GPC5: variants seen among roughly 807,000 people sequenced by gnomAD.
The protein encoded by GPC5 is glypican 5.
A neutral mutation model predicts 53.9 loss-of-function variants in GPC5; 47 were observed. The observed-to-expected ratio is 0.87, with a 90% CI of 0.69 to 1.11. The LOEUF (loss-of-function observed/expected upper bound fraction) is 1.11, where lower values mean the gene tolerates loss of function less well. GPC5 is among the 50% of genes most tolerant of loss of function. The probability of loss-of-function intolerance (pLI) is 0.00; values close to 1 mark genes in which losing one functional copy is unlikely to be tolerated. For synonymous variants in GPC5, 286 were observed against 263.3 expected (o/e 1.09, Z -0.84); for missense variants, 748 against 713.1 (o/e 1.05, Z -0.56).
intron 7 of GPC5, among the ~76,000 whole-genome samples, chr13:92,777,225 A>C (rs937023750): frequency 6.0e-5 from 9 of 151,034 alleles, no homozygotes; most frequent in African/African-American, 1.9e-4. Flanking sequence ...AGTCCCAGCT[A>C]TTCAGGAAGC....
At chr13:92,107,022 T>C (rs2041515603) in intron 6 of GPC5, among the ~76,000 whole-genome samples, 1 of 152,162 alleles carries the variant, frequency 6.6e-6, no homozygotes, top group Admixed American at 6.6e-5. Flanking sequence ...ATTTACATCA[T>C]TCACTTAATA....
chr13:91,824,765 T>C (rs1293364344), intron 5 of GPC5, among the ~76,000 whole-genome samples: 1 of 152,050 alleles, frequency 6.6e-6, no homozygotes, highest in African/African-American at 2.4e-5. Flanking sequence ...CATAAGTATA[T>C]CATGGGAGAA....
chr13:92,320,190 A>T (rs1489653454), intron 7 of GPC5, among the ~76,000 whole-genome samples: 2 of 152,168 alleles, frequency 1.3e-5, no homozygotes, highest in Non-Finnish European at 2.9e-5. Context: ...TTTCTTCCCA[A>T]GTATGAAAGA....
intron 7 of GPC5, among the ~76,000 whole-genome samples, chr13:92,309,277 C>T (rs1010593887): frequency 1.3e-5 from 2 of 152,012 alleles, no homozygotes; most frequent in African/African-American, 4.8e-5. Context: ...AGGGATCTGG[C>T]ACAGGATTAA....
chr13:91,730,062 A>C (rs1057181718), intron 4 of GPC5, among the ~76,000 whole-genome samples: 3 of 152,160 alleles, frequency 2.0e-5, no homozygotes, highest in African/African-American at 7.2e-5. Context: ...ATGTTTAGCC[A>C]TTGTCCATGA....
intron 7 of GPC5, among the ~76,000 whole-genome samples, chr13:92,371,160 C>T (rs2043647394): frequency 6.6e-6 from 1 of 152,126 alleles, no homozygotes; most frequent in African/African-American, 2.4e-5. Context: ...CAAAACCAAA[C>T]CAAACCAAAA....
At chr13:91,483,619 T>C (rs1365475670) in intron 2 of GPC5, among the ~76,000 whole-genome samples, 1 of 152,196 alleles carries the variant, frequency 6.6e-6, no homozygotes, top group Non-Finnish European at 1.5e-5. Context: ...ATTTCTGACC[T>C]AGAGGTAATA....
intron 7 of GPC5, among the ~76,000 whole-genome samples, chr13:92,636,569 G>A (rs1445214944): frequency 2.6e-5 from 4 of 152,240 alleles, no homozygotes; most frequent in East Asian, 1.9e-4. Context: ...TAACCTGAAT[G>A]TTGTATTAAG....
At chr13:91,780,244 C>A (rs935380384) in intron 5 of GPC5, among the ~76,000 whole-genome samples, 1 of 152,252 alleles carries the variant, frequency 6.6e-6, no homozygotes, top group Non-Finnish European at 1.5e-5. Flanking sequence ...TTATATATAT[C>A]ATTTGCCTTC....
intron 6 of GPC5, among the ~76,000 whole-genome samples, chr13:92,138,694 T>C (rs1162699799): frequency 1.3e-5 from 2 of 152,200 alleles, no homozygotes; most frequent in African/African-American, 2.4e-5. Context: ...GTGGAAACTA[T>C]GTCTATTTCT....
intron 7 of GPC5, among the ~76,000 whole-genome samples, chr13:92,742,429 G>T (rs1468888388): frequency 2.6e-5 from 4 of 152,082 alleles, no homozygotes; most frequent in Non-Finnish European, 4.4e-5. Flanking sequence ...TTTTCATGGG[G>T]TTGTTTGTTT....
chr13:92,144,712 T>C (rs1312482051), intron 6 of GPC5, 118 bp from the exon 7 acceptor site: 11 of 923,988 alleles, frequency 1.2e-5, no homozygotes, highest in Non-Finnish European at 1.8e-5. Flanking sequence ...CTTGACTTGG[T>C]GTCTACACCA....
At position 92,334,378 on chromosome 13, in the gene GPC5, A is replaced by G. The variant is rs72638654; in HGVS notation, c.1561+189389A>G. Among the ~76,000 whole-genome samples the G allele has an allele frequency of 5.2e-3, 795 of 152,204 alleles. 5 individuals carry two copies. Among genetic ancestry groups the G allele is most frequent in the Non-Finnish European group, 8.4e-3 (569 of 68,010 alleles). ...GAGAAAAGCCCACCCCTATGATTCA[A>G]TTACCTCCACTAGGTCCCTCCCATG... is the stretch of plus-strand genomic sequence containing the variant. On this transcript the variant is annotated intron_variant, in intron 7 of 7. Transcript: ENST00000377067.
intron 7 of GPC5, among the ~76,000 whole-genome samples, chr13:92,846,481 C>A (rs1878616734): frequency 6.6e-6 from 1 of 152,086 alleles, no homozygotes; most frequent in Admixed American, 6.6e-5. Context: ...TTAATTGAAT[C>A]CAATTGCTGT....
intron 7 of GPC5, among the ~76,000 whole-genome samples, chr13:92,844,919 T>C (rs1878562514): frequency 6.6e-6 from 1 of 152,162 alleles, no homozygotes; most frequent in African/African-American, 2.4e-5. Context: ...CTAGAACCTT[T>C]ATATTCTCTG....
At chr13:91,862,712 A>T (rs1400364889) in intron 5 of GPC5, among the ~76,000 whole-genome samples, 2 of 152,200 alleles carry the variant, frequency 1.3e-5, no homozygotes, top group Admixed American at 1.3e-4. Flanking sequence ...TACAACAAAC[A>T]AAACCAGAAA....
intron 1 of GPC5, among the ~76,000 whole-genome samples, chr13:91,446,514 C>T (rs780797977): frequency 1.1e-4 from 17 of 152,134 alleles, no homozygotes; most frequent in Non-Finnish European, 1.6e-4. Context: ...CCATGTTCCT[C>T]GAAGCCAGGC....
At chr13:92,347,170 T>C (rs931069059) in intron 7 of GPC5, among the ~76,000 whole-genome samples, 1 of 152,140 alleles carries the variant, frequency 6.6e-6, no homozygotes, top group Non-Finnish European at 1.5e-5. Context: ...TGTGAACAGA[T>C]GCCAACATCC....
chr13:91,527,328 C>G (rs971754869), intron 2 of GPC5, among the ~76,000 whole-genome samples: 2 of 152,206 alleles, frequency 1.3e-5, no homozygotes, highest in Non-Finnish European at 2.9e-5. Flanking sequence ...TGGCCATAGG[C>G]CTTATGCAAG....
Sources: allele counts gnomAD v4.1 joint callset (sites outside exome capture counted in the v4.1 genomes callset), GRCh38; gene constraint gnomAD v4.1.1; transcripts MANE v1.5; gene names NCBI Gene and HGNC (gene_info 2026-07-23, HGNC 2026-07-21).